The following STAP1 variants were observed in gnomAD, a reference collection of about 807,000 sequenced individuals.
STAP1 encodes signal transducing adaptor family member 1, also known as signal-transducing adaptor protein 1.
STAP1 carries 30 observed loss-of-function variants against 37.8 expected under a neutral mutation model. The ratio of observed to expected loss-of-function variants is 0.79; its 90% CI spans 0.59 to 1.08. The LOEUF is 1.08. STAP1 is among the 50% of genes least tolerant of loss of function. The probability of loss-of-function intolerance (pLI) is 0.00; values close to 1 mark genes in which losing one functional copy is unlikely to be tolerated. For synonymous variants in STAP1, 130 were observed against 116.0 expected (o/e 1.12, Z -0.78); for missense variants, 357 against 349.4 (o/e 1.02, Z -0.17).
intron 7 of STAP1, among the ~76,000 whole-genome samples, chr4:67,591,482 T>G (rs1454741035): frequency 6.6e-6 from 1 of 152,214 alleles, no homozygotes; most frequent in Admixed American, 6.5e-5. Flanking sequence ...GATATTGTTA[T>G]GCCTTTTATA....
chr4:67,569,861 T>G (rs1311978400), intron 1 of STAP1, among the ~76,000 whole-genome samples: 1 of 152,062 alleles, frequency 6.6e-6, no homozygotes, highest in Non-Finnish European at 1.5e-5. Context: ...CCCTGAGTAG[T>G]TGGGATTACA....
At chr4:67,570,786 C>T (rs948033636) in intron 1 of STAP1, among the ~76,000 whole-genome samples, 4 of 151,528 alleles carry the variant, frequency 2.6e-5, no homozygotes, top group African/African-American at 9.7e-5. Flanking sequence ...AATGTTAAGC[C>T]AGGTATGGTG....
chr4:67,590,766 GC>G, intron 6 of STAP1, 117 bp from the exon 7 acceptor site: 6 of 113,474 alleles, frequency 5.3e-5, no homozygotes, highest in Non-Finnish European at 6.0e-5. Context: ...TTTTTTTTTT[GC>G]CAAACTATAG....
chr4:67,596,474 G>A (rs28676785), intron 8 of STAP1, among the ~76,000 whole-genome samples: 190 of 152,296 alleles, frequency 1.2e-3, no homozygotes, highest in African/African-American at 4.1e-3. Flanking sequence ...ACTGGGCAAC[G>A]GGCAGAGGGT....
chr4:67,568,001 T>C (rs775614080), intron 1 of STAP1, among the ~76,000 whole-genome samples: 1 of 152,208 alleles, frequency 6.6e-6, no homozygotes, highest in Non-Finnish European at 1.5e-5. Context: ...TATATTATCT[T>C]ATTAGGCATG....
intron 7 of STAP1, among the ~76,000 whole-genome samples, chr4:67,592,260 C>T (rs1270197721): frequency 2.0e-5 from 3 of 152,132 alleles, no homozygotes; most frequent in Admixed American, 6.5e-5. Flanking sequence ...TCCCGAGTAG[C>T]GGGAACCACA....
At position 67,606,580 on chromosome 4, in the gene STAP1, G is replaced by T; in HGVS notation, c.*223G>T. 2.2e-6 allele frequency: 1 copy of T among 452,386 alleles called. No homozygotes were observed. Among genetic ancestry groups the T allele is most frequent in the Non-Finnish European group, 3.9e-6 (1 of 256,900 alleles). The allele number at this position is 452,386 out of a possible 1,614,324, so 28.0% of individuals were successfully genotyped here. ...GAGACTACGGCTGTGGTGGTAACCT[G>T]CAGATATACACATTCCCATGCACTG... is the stretch of plus-strand genomic sequence containing the variant. On this transcript the variant is annotated 3_prime_UTR_variant, in exon 9 of 9. Coordinates refer to ENST00000265404, the MANE Select transcript of STAP1 (RefSeq NM_012108.4).
chr4:67,582,446 C>G (rs890263891), intron 5 of STAP1, among the ~76,000 whole-genome samples: 1 of 151,764 alleles, frequency 6.6e-6, no homozygotes, highest in Admixed American at 6.6e-5. Flanking sequence ...GTAGCTGGGA[C>G]CACAGGCACC....
At chr4:67,586,605 GGT>G (rs1180084133) in intron 6 of STAP1, among the ~76,000 whole-genome samples, 1 of 152,082 alleles carries the variant, frequency 6.6e-6, no homozygotes, top group African/African-American at 2.4e-5. Context: ...TTGCAGATGT[GGT>G]GTGTGACTAA....
chr4:67,577,635 TTTTC>T (rs199657244), intron 4 of STAP1, among the ~76,000 whole-genome samples: 20 of 137,354 alleles, frequency 1.5e-4, no homozygotes, highest in South Asian at 9.0e-4. Flanking sequence ...ATTTCTTTTC[TTTTC>T]TTTCTTTCTT....
chr4:67,568,856 C>T (rs1352555852), intron 1 of STAP1, among the ~76,000 whole-genome samples: 2 of 152,172 alleles, frequency 1.3e-5, no homozygotes, highest in Admixed American at 1.3e-4. Flanking sequence ...CTATGCTGGG[C>T]CCTTCACTGG....
At chr4:67,588,472 C>G (rs992288048) in intron 6 of STAP1, among the ~76,000 whole-genome samples, 14 of 151,888 alleles carry the variant, frequency 9.2e-5, no homozygotes, top group Non-Finnish European at 1.6e-4. Context: ...TACAGTGGTG[C>G]GAGCTCGGCT....
intron 6 of STAP1, among the ~76,000 whole-genome samples, chr4:67,588,208 G>A (rs1408133032): frequency 1.3e-5 from 2 of 151,886 alleles, no homozygotes. Flanking sequence ...TGTCTAAAAA[G>A]AGAGTCAAAA....
intron 2 of STAP1, 81 bp from the exon 3 acceptor site, chr4:67,575,304 T>C (rs1477218003): frequency 1.2e-6 from 1 of 840,454 alleles, no homozygotes; most frequent in African/African-American, 1.8e-5. Context: ...GAAAGGAAGA[T>C]ATTACTTATT....
At chr4:67,591,013 G>C in intron 7 of STAP1, 60 bp downstream of exon 7, 1 of 1,377,532 alleles carries the variant, frequency 7.3e-7, no homozygotes, top group Non-Finnish European at 1.0e-6. Flanking sequence ...TAGCCTCCTA[G>C]TGCTGGCAAA....
chr4:67,588,840 A>G (rs769928139), intron 6 of STAP1, among the ~76,000 whole-genome samples: 1 of 152,208 alleles, frequency 6.6e-6, no homozygotes, highest in Admixed American at 6.5e-5. Flanking sequence ...AGTATTTTCC[A>G]TGTTTTACAA....
intron 1 of STAP1, among the ~76,000 whole-genome samples, chr4:67,567,074 T>C (rs763776294): frequency 1.3e-5 from 2 of 152,156 alleles, no homozygotes; most frequent in Non-Finnish European, 2.9e-5. Context: ...GCAATAACAC[T>C]TTACATCCTA....
chr4:67,574,132 G>C (rs1727668303), intron 2 of STAP1, among the ~76,000 whole-genome samples: 1 of 151,982 alleles, frequency 6.6e-6, no homozygotes, highest in South Asian at 2.1e-4. Flanking sequence ...ACATAAACTT[G>C]TTATAAATAT....
chr4:67,583,822 G>A, intron 6 of STAP1, 120 bp downstream of exon 6: 1 of 1,240,814 alleles, frequency 8.1e-7, no homozygotes. Context: ...CAAGTGGCCG[G>A]GTGCGGTGGC....
Sources: gnomAD v4.1 joint callset for allele counts (sites outside exome capture counted in the v4.1 genomes callset) on GRCh38, gnomAD v4.1.1 for gene constraint, MANE v1.5 for transcripts, NCBI Gene and HGNC (gene_info 2026-07-23, HGNC 2026-07-21) for gene names.